The following GFRA1 variants were observed in gnomAD, a reference collection of about 807,000 sequenced individuals.
The protein encoded by GFRA1 is GDNF family receptor alpha 1.
In GFRA1, 16 loss-of-function variants were observed where a neutral mutation model predicts 51.6. The observed-to-expected ratio is 0.31, with a 90% confidence interval of 0.21 to 0.47. GFRA1 has a LOEUF of 0.47. GFRA1 is among the 20% of genes least tolerant of loss of function. The pLI is 1.00. For missense variants in GFRA1, 530 were observed against 594.3 expected (o/e 0.89, Z 1.13); for synonymous variants, 270 against 241.3 (o/e 1.12, Z -1.10).
At chr10:116,255,097 C>A (rs1236185991) in intron 4 of GFRA1, among the ~76,000 whole-genome samples, 1 of 152,180 alleles carries the variant, frequency 6.6e-6, no homozygotes, top group Non-Finnish European at 1.5e-5. Flanking sequence ...AAGTTACCCC[C>A]CTCCACCATG....
chr10:116,273,387 G>A (rs2134855505), upstream of GFRA1: 1 of 152,302 alleles, frequency 6.6e-6, no homozygotes. Context: ...CCTCGGCTCG[G>A]ATGCTCGTTA....
chr10:116,077,460 T>TC (rs753234810), intron 9 of GFRA1, among the ~76,000 whole-genome samples: 1 of 152,192 alleles, frequency 6.6e-6, no homozygotes, highest in Non-Finnish European at 1.5e-5. Context: ...CTTTACACTC[T>TC]CCTTCATTTG....
At chr10:116,220,961 T>C (rs896803169) in intron 4 of GFRA1, among the ~76,000 whole-genome samples, 11 of 152,208 alleles carry the variant, frequency 7.2e-5, no homozygotes, top group African/African-American at 2.4e-4. Flanking sequence ...TTTCTCTCTC[T>C]TTCTCTCTAA....
intron 2 of GFRA1, 98 bp from the exon 3 acceptor site, chr10:116,271,213 C>A: frequency 1.9e-6 from 2 of 1,053,448 alleles, no homozygotes; most frequent in South Asian, 3.2e-5. Context: ...GGATGCTTGA[C>A]CAGCCTTCGG....
At position 116,271,059 on chromosome 10, in the gene GFRA1, T is replaced by C; in HGVS notation, c.97A>G (p.Ser33Gly). The C allele has an allele frequency of 1.2e-6, 2 of 1,613,316 alleles. No individual in the cohort carries two copies. Among genetic ancestry groups the C allele is most frequent in the South Asian group, 1.1e-5 (1 of 91,074 alleles). ...GGDRLDCVKA[S>G]DQCLKEQSCS... is the part of the protein sequence containing the mutation. ...CTCTGCTCCTTCAGGCACTGATCAC[T>C]GGCTTTCACGCAATCCAGGCGGTCT... Residue 33 changes from serine to glycine, a missense_variant, in exon 3 of 11, where the codon AGT becomes GGT. Ser to Gly is a moderately conservative substitution (Grantham distance 56, BLOSUM62 0). Transcript: ENST00000355422.
At chr10:116,257,792 C>T (rs1370594760) in intron 4 of GFRA1, among the ~76,000 whole-genome samples, 1 of 151,566 alleles carries the variant, frequency 6.6e-6, no homozygotes, top group African/African-American at 2.4e-5. Flanking sequence ...AGCCATCTTC[C>T]TTTCCCATCT....
At chr10:116,220,533 A>G (rs1965852573) in intron 4 of GFRA1, among the ~76,000 whole-genome samples, 1 of 152,234 alleles carries the variant, frequency 6.6e-6, no homozygotes, top group Non-Finnish European at 1.5e-5. Flanking sequence ...GAAGACAATG[A>G]TAATGATCAT....
chr10:116,224,287 T>C (rs1589886853), intron 4 of GFRA1, among the ~76,000 whole-genome samples: 2 of 152,208 alleles, frequency 1.3e-5, no homozygotes, highest in South Asian at 4.1e-4. Context: ...GTCTGGCAGG[T>C]CCTCAAATAG....
upstream of GFRA1, among the ~76,000 whole-genome samples, chr10:116,273,644 ACACTCTCTCTCTCT>A (rs1206787867): frequency 6.8e-6 from 1 of 146,500 alleles, no homozygotes; most frequent in Non-Finnish European, 1.5e-5. Context: ...CCAGACACAC[ACACTCTCTCTCTCT>A]CTCTCTCTCT....
intron 5 of GFRA1, among the ~76,000 whole-genome samples, chr10:116,131,142 A>G (rs1958086950): frequency 6.6e-6 from 1 of 152,208 alleles, no homozygotes; most frequent in African/African-American, 2.4e-5. Context: ...AGATAAATGA[A>G]TGGCCAAGTA....
chr10:116,205,926 T>TCTCACACACA (rs1555167785), intron 5 of GFRA1, among the ~76,000 whole-genome samples: 5 of 142,584 alleles, frequency 3.5e-5, no homozygotes, highest in Admixed American at 1.4e-4. Context: ...TTTCCTCATA[T>TCTCACACACA]CACACACACA....
intron 4 of GFRA1, among the ~76,000 whole-genome samples, chr10:116,216,842 G>C (rs1425466175): frequency 6.6e-6 from 1 of 152,128 alleles, no homozygotes; most frequent in Non-Finnish European, 1.5e-5. Context: ...ACAAGGAAGG[G>C]AACAGCTGGA....
chr10:116,131,382 A>G (rs117336901), intron 5 of GFRA1, among the ~76,000 whole-genome samples: 3,505 of 152,308 alleles, frequency 0.023, 58 homozygotes, highest in Non-Finnish European at 0.034. Context: ...CAATTACCCT[A>G]TGGCCCAGAA....
upstream of GFRA1, among the ~76,000 whole-genome samples, chr10:116,273,653 CTCTCTCTCTCTCTCTCTG>C (rs1459896017): frequency 3.9e-5 from 3 of 77,818 alleles, no homozygotes; most frequent in African/African-American, 1.9e-4. Flanking sequence ...CACACTCTCT[CTCTCTCTCTCTCTCTCTG>C]TCTCTCTCTC....
intron 9 of GFRA1, among the ~76,000 whole-genome samples, chr10:116,085,191 A>G (rs1370693652): frequency 6.6e-6 from 1 of 152,200 alleles, no homozygotes; most frequent in East Asian, 1.9e-4. Context: ...TAGTTCCCCA[A>G]ACAGAACTGC....
chr10:116,120,596 A>G (rs1273517923), intron 6 of GFRA1, among the ~76,000 whole-genome samples: 1 of 152,128 alleles, frequency 6.6e-6, no homozygotes, highest in Non-Finnish European at 1.5e-5. Context: ...AAAAAATAAT[A>G]ATTAAATAAA....
At position 116,057,993 on chromosome 10, in the gene GFRA1, TGTGTG is replaced by T. The variant is rs1565539523; in HGVS notation, c.*6400_*6404del. On this transcript the variant is annotated 3_prime_UTR_variant, in exon 11 of 11. Coordinates refer to ENST00000355422, the MANE Select transcript of GFRA1 (RefSeq NM_005264.8). ...GGATCATATAGCCCTCCAATCATTGTGTGTGTGTGTGTGTGTGTGTGTGTGTGTGT... is the reference window on the plus strand; with the variant it reads ...GGATCATATAGCCCTCCAATCATTGTTGTGTGTGTGTGTGTGTGTGTGTGT... The T allele has an allele frequency of 2.3e-3, 52 of 22,904 alleles. No homozygotes were observed. The highest frequency in any genetic ancestry group is 4.9e-3 in the African/African-American group (26 of 5,352). The allele number at this position is 22,904 out of a possible 1,614,324, so 1.4% of individuals were successfully genotyped here.
chr10:116,250,317 C>T (rs1397494583), intron 4 of GFRA1, among the ~76,000 whole-genome samples: 2 of 152,106 alleles, frequency 1.3e-5, no homozygotes, highest in Non-Finnish European at 2.9e-5. Flanking sequence ...GGAGAGAGGA[C>T]CCAGGGCGCT....
chr10:116,228,789 T>C (rs1966488604), intron 4 of GFRA1, among the ~76,000 whole-genome samples: 1 of 151,656 alleles, frequency 6.6e-6, no homozygotes, highest in African/African-American at 2.4e-5. Context: ...AAGACCAGCC[T>C]GGCCAAGATG....
Sources: allele counts gnomAD v4.1 joint callset (sites outside exome capture counted in the v4.1 genomes callset), GRCh38; gene constraint gnomAD v4.1.1; transcripts MANE v1.5; gene names NCBI Gene and HGNC (gene_info 2026-07-23, HGNC 2026-07-21).